The following RARB variants were observed in gnomAD, a reference collection of about 807,000 sequenced individuals.
RARB encodes HBV-activated protein.
RARB carries 17 observed loss-of-function variants against 51.9 expected under a neutral mutation model. The ratio of observed to expected loss-of-function variants is 0.33; its 90% CI spans 0.22 to 0.49. The LOEUF (loss-of-function observed/expected upper bound fraction) is 0.49. Among genes scored for constraint, RARB ranks in the 20% least tolerant of loss-of-function variants. The pLI, the probability that RARB is intolerant of heterozygous loss-of-function variation, is 0.99. For missense variants in RARB, 369 were observed against 550.8 expected (o/e 0.67, Z 3.30); for synonymous variants, 215 against 195.4 (o/e 1.10, Z -0.84).
intron 3 of RARB, among the ~76,000 whole-genome samples, chr3:25,523,401 G>A (rs1698493174): frequency 6.6e-6 from 1 of 152,176 alleles, no homozygotes; most frequent in Non-Finnish European, 1.5e-5. Context: ...TTTGGCAGCT[G>A]TCATACGAGG....
intron 5 of RARB, among the ~76,000 whole-genome samples, chr3:25,175,706 A>G (rs321540): frequency 0.21 from 31,676 of 152,072 alleles, 3,464 homozygotes; most frequent in South Asian, 0.28. Context: ...GATTGCAATC[A>G]TAGTACTATA....
At chr3:25,385,691 T>C (rs1706773189) in intron 5 of RARB, among the ~76,000 whole-genome samples, 1 of 152,160 alleles carries the variant, frequency 6.6e-6, no homozygotes, top group Admixed American at 6.5e-5. Flanking sequence ...TTCTGATTGT[T>C]AGTTTTGCAG....
chr3:25,086,710 G>A (rs2125315193), intron 3 of RARB, among the ~76,000 whole-genome samples: 1 of 152,212 alleles, frequency 6.6e-6, no homozygotes, highest in East Asian at 1.9e-4. Context: ...TGGGGAAGGA[G>A]GGGCACTTCC....
chr3:25,217,458 T>C (rs1289025550), intron 5 of RARB, among the ~76,000 whole-genome samples: 1 of 152,066 alleles, frequency 6.6e-6, no homozygotes, highest in Non-Finnish European at 1.5e-5. Flanking sequence ...CAGGAATGAT[T>C]GAGAGAGGAC....
At chr3:25,507,553 C>T (rs1221190776) in intron 3 of RARB, among the ~76,000 whole-genome samples, 1 of 152,206 alleles carries the variant, frequency 6.6e-6, no homozygotes, top group Non-Finnish European at 1.5e-5. Flanking sequence ...TTCCCTCCCC[C>T]AGAAGACATT....
At chr3:24,902,063 A>G (rs1703620441) in intron 2 of RARB, among the ~76,000 whole-genome samples, 1 of 151,920 alleles carries the variant, frequency 6.6e-6, no homozygotes, top group Non-Finnish European at 1.5e-5. Context: ...AACAGCAAAG[A>G]AAGACTTACA....
At chr3:25,190,184 G>A (rs1701066220) in intron 5 of RARB, among the ~76,000 whole-genome samples, 1 of 118,430 alleles carries the variant, frequency 8.4e-6, no homozygotes, top group African/African-American at 3.4e-5. Flanking sequence ...AAGGAGACCA[G>A]TAGAAACAAA....
chr3:25,472,202 C>A (rs1330673557), intron 2 of RARB, among the ~76,000 whole-genome samples: 1 of 152,176 alleles, frequency 6.6e-6, no homozygotes, highest in African/African-American at 2.4e-5. Flanking sequence ...TGACTGGCAG[C>A]CTTCTCTTCT....
intron 2 of RARB, among the ~76,000 whole-genome samples, chr3:25,002,987 T>C (rs1332764475): frequency 2.0e-5 from 3 of 152,120 alleles, no homozygotes; most frequent in Admixed American, 2.0e-4. Flanking sequence ...CCTAAAGTAA[T>C]TGGCCATGTA....
At chr3:25,242,595 T>C (rs556716726) in intron 5 of RARB, among the ~76,000 whole-genome samples, 1 of 152,164 alleles carries the variant, frequency 6.6e-6, no homozygotes, top group African/African-American at 2.4e-5. Context: ...TTCTGTCAGG[T>C]TCATCAAAGA....
At chr3:25,144,186 T>C (rs1280086515) in intron 4 of RARB, among the ~76,000 whole-genome samples, 6 of 152,146 alleles carry the variant, frequency 3.9e-5, no homozygotes, top group Non-Finnish European at 7.3e-5. Context: ...CAGGGATGAA[T>C]TAGATAAGTA....
chr3:25,461,684 A>T (rs908742297), intron 2 of RARB, among the ~76,000 whole-genome samples: 11 of 152,304 alleles, frequency 7.2e-5, no homozygotes, highest in African/African-American at 2.6e-4. Context: ...ACTTGAGGTT[A>T]GGAGTTTGAG....
chr3:25,370,789 C>A (rs147474532), intron 5 of RARB, among the ~76,000 whole-genome samples: 1 of 152,146 alleles, frequency 6.6e-6, no homozygotes, highest in African/African-American at 2.4e-5. Flanking sequence ...GGCTTGCTGG[C>A]GTCAAACAAC....
upstream of RARB, among the ~76,000 whole-genome samples, chr3:25,425,804 C>A (rs1206757183): frequency 6.6e-6 from 1 of 152,144 alleles, no homozygotes; most frequent in Non-Finnish European, 1.5e-5. Flanking sequence ...TGAGAATGAA[C>A]AGAATTTTGA....
At chr3:24,906,335 A>G (rs928769786) in intron 2 of RARB, among the ~76,000 whole-genome samples, 11 of 152,216 alleles carry the variant, frequency 7.2e-5, no homozygotes, top group Non-Finnish European at 1.5e-4. Flanking sequence ...TGACTTGGAT[A>G]TAGCAGATGC....
intron 3 of RARB, among the ~76,000 whole-genome samples, chr3:25,113,794 G>A (rs568313861): frequency 1.3e-5 from 2 of 152,152 alleles, no homozygotes; most frequent in Non-Finnish European, 2.9e-5. Context: ...AACAGCCAGT[G>A]ACCACCAAGA....
At chr3:25,472,447 C>A (rs889384392) in intron 2 of RARB, among the ~76,000 whole-genome samples, 1 of 152,136 alleles carries the variant, frequency 6.6e-6, no homozygotes, top group African/African-American at 2.4e-5. Context: ...CAGGTACAGA[C>A]CTACTTTTAG....
At chr3:24,988,575 G>A (rs1028538329) in intron 2 of RARB, among the ~76,000 whole-genome samples, 3 of 151,802 alleles carry the variant, frequency 2.0e-5, no homozygotes, top group East Asian at 1.9e-4. Flanking sequence ...TGTTTTATAA[G>A]GTAAAGTATA....
chr3:25,097,996 C>A (rs78870250), intron 3 of RARB, among the ~76,000 whole-genome samples: 1 of 152,128 alleles, frequency 6.6e-6, no homozygotes, highest in Non-Finnish European at 1.5e-5. Flanking sequence ...TGAAAATGAC[C>A]AGTCCACAGT....
Sources: allele counts gnomAD v4.1 joint callset (sites outside exome capture counted in the v4.1 genomes callset), GRCh38; gene constraint gnomAD v4.1.1; transcripts MANE v1.5; gene names NCBI Gene and HGNC (gene_info 2026-07-23, HGNC 2026-07-21).